Variants in ANO2 observed in about 807,000 individuals in gnomAD.
The protein encoded by ANO2 is anoctamin 2, also known as anoctamin-2.
Under a neutral mutation model 124.2 loss-of-function variants are expected in ANO2, and 101 were observed. The observed-to-expected ratio is 0.81, with a 90% CI of 0.69 to 0.96. The LOEUF (loss-of-function observed/expected upper bound fraction) is 0.96. Ranked by LOEUF, ANO2 falls within the 40% of genes least tolerant of loss-of-function variation. The pLI is 0.00. For synonymous variants in ANO2, 486 were observed against 482.5 expected, an observed-to-expected ratio of 1.01 and a Z score of -0.09; for missense variants, 1,293 against 1,274.5, an observed-to-expected ratio of 1.01 and a Z score of -0.22.
At chr12:5,927,344 G>A (rs1565787921) in intron 1 of ANO2, among the ~76,000 whole-genome samples, 1 of 152,222 alleles carries the variant, frequency 6.6e-6, no homozygotes, top group African/African-American at 2.4e-5. Context: ...TCGCAGGACT[G>A]CAGGTACCTT....
At position 5,563,557 on chromosome 12, in the gene ANO2, C is replaced by T. The variant is rs1445357951; in HGVS notation, c.2739G>A (p.Met913Ile). Residue 913 changes from methionine (M) to isoleucine (I), a missense_variant, in exon 25 of 25, where the codon ATG becomes ATA. Met to Ile is a conservative substitution (Grantham distance 10, BLOSUM62 1). Coordinates refer to ENST00000682330, the MANE Select transcript of ANO2 (RefSeq NM_001364791.2). The stretch of plus-strand genomic sequence containing the variant: ...TCCAGTCCACGAGGACGCTCAGGAA[C>T]ATCACGAGGTTCTGCAAAAAGCCAA... ...AFVIIFQNLVMFLSVLVDWMI... is the reference protein window; with the variant it reads ...AFVIIFQNLVIFLSVLVDWMI... 1 of 1,613,834 alleles carries T rather than the reference C, an allele frequency of 6.2e-7. No individual in the cohort carries two copies. The highest frequency in any genetic ancestry group is 8.5e-7 in the Non-Finnish European group (1 of 1,179,870).
At position 5,640,462 on chromosome 12, in the gene ANO2, T is replaced by C. The variant is rs566580092; in HGVS notation, c.1621-5115A>G. On this transcript the variant is annotated intron_variant, in intron 15 of 24. Transcript: ENST00000682330. ...AGGCAACCTACAGAATGGGAGGAAA[T>C]TTTTGCAATCTGCCCATCTGACAAA... Among the ~76,000 whole-genome samples the C allele has an allele frequency of 9.2e-5, 14 of 152,220 alleles. No individual in the cohort carries two copies. In the South Asian group the frequency reaches 2.9e-3, roughly 32 times the overall value.
At chr12:5,748,864 A>C (rs1057213243) in intron 11 of ANO2, among the ~76,000 whole-genome samples, 522 of 47,496 alleles carry the variant, frequency 0.011, no homozygotes, top group South Asian at 0.016. Context: ...TTTTCCCTTC[A>C]CCCTCCAAAA....
chr12:5,834,105 A>G (rs140566980), intron 4 of ANO2, among the ~76,000 whole-genome samples: 2 of 152,244 alleles, frequency 1.3e-5, no homozygotes, highest in African/African-American at 4.8e-5. Flanking sequence ...GCTGGCTACC[A>G]CCAAGTGACC....
intron 14 of ANO2, among the ~76,000 whole-genome samples, chr12:5,651,221 G>C (rs943122606): frequency 3.3e-5 from 5 of 152,208 alleles, no homozygotes; most frequent in African/African-American, 1.2e-4. Context: ...GTCCCTTGAT[G>C]ATGGCTCCCA....
At chr12:5,829,357 A>G (rs184466270) in intron 6 of ANO2, among the ~76,000 whole-genome samples, 5 of 151,426 alleles carry the variant, frequency 3.3e-5, no homozygotes, top group East Asian at 1.9e-4. Flanking sequence ...TTTCCATTGG[A>G]AAAAAAAAGA....
intron 14 of ANO2, among the ~76,000 whole-genome samples, chr12:5,725,345 G>T (rs911464567): frequency 1.3e-5 from 2 of 152,038 alleles, no homozygotes; most frequent in African/African-American, 4.8e-5. Context: ...TCTCTTCCCC[G>T]ATAGCCTCTC....
intron 1 of ANO2, among the ~76,000 whole-genome samples, chr12:5,939,804 A>T (rs1174104352): frequency 6.6e-6 from 1 of 152,178 alleles, no homozygotes; most frequent in African/African-American, 2.4e-5. Context: ...GTCATAACTA[A>T]CTGTAAGGGA....
At chr12:5,666,097 C>T (rs1378951288) in intron 14 of ANO2, among the ~76,000 whole-genome samples, 2 of 152,236 alleles carry the variant, frequency 1.3e-5, no homozygotes, top group Non-Finnish European at 2.9e-5. Flanking sequence ...GAATCCTGGA[C>T]ATGCCAGGTC....
intron 14 of ANO2, among the ~76,000 whole-genome samples, chr12:5,691,143 C>T (rs571832629): frequency 8.6e-5 from 13 of 152,012 alleles, no homozygotes; most frequent in East Asian, 1.9e-4. Context: ...GCCTGACCAA[C>T]GTGGTGAAAC....
At chr12:5,737,526 G>C (rs955547755) in intron 13 of ANO2, among the ~76,000 whole-genome samples, 1 of 152,206 alleles carries the variant, frequency 6.6e-6, no homozygotes, top group African/African-American at 2.4e-5. Flanking sequence ...AGACGTGAGG[G>C]CTTCCTCAAC....
intron 3 of ANO2, among the ~76,000 whole-genome samples, chr12:5,914,052 T>A (rs1941220820): frequency 3.9e-5 from 6 of 151,920 alleles, no homozygotes; most frequent in Admixed American, 3.9e-4. Flanking sequence ...ATACAAAAAT[T>A]AGCTGGGCAT....
intron 14 of ANO2, among the ~76,000 whole-genome samples, chr12:5,721,499 GTT>G (rs531965246): frequency 7.5e-6 from 1 of 133,512 alleles, no homozygotes. Flanking sequence ...TTGGTTTTGG[GTT>G]TTTTTTTTTT....
intron 10 of ANO2, among the ~76,000 whole-genome samples, chr12:5,770,365 G>A (rs1370766135): frequency 6.6e-6 from 1 of 152,030 alleles, no homozygotes; most frequent in African/African-American, 2.4e-5. Flanking sequence ...GGCTAACAAG[G>A]GTCCCAAGGT....
intron 3 of ANO2, among the ~76,000 whole-genome samples, chr12:5,890,933 A>G (rs1489558596): frequency 6.6e-6 from 1 of 152,194 alleles, no homozygotes; most frequent in Non-Finnish European, 1.5e-5. Flanking sequence ...TACAAGTCAC[A>G]GCTCATATAG....
In ANO2 at chr12:5,923,255, CAT is replaced by C. The variant is rs796649623; in HGVS notation, c.23-453_23-452del. ...ACACATACACACACGCATACACACA[CAT>C]ACACACACACACACACACACACGCA... On this transcript the variant is annotated intron_variant, in intron 1 of 24. Transcript: ENST00000682330. 2.3e-3 allele frequency among the ~76,000 whole-genome samples: 167 copies of C among 72,934 alleles called. 3 individuals carry two copies. The highest frequency in any genetic ancestry group is 5.6e-3 in the Middle Eastern group (1 of 178). The allele number at this position is 72,934 out of a possible 152,430, so 47.8% of individuals were successfully genotyped here.
rs533444583 is a variant in ANO2 at position 5,670,620 on chromosome 12, G to A, written c.1546-22819C>T. 6.6e-5 allele frequency among the ~76,000 whole-genome samples: 10 copies of A among 152,268 alleles called. No homozygotes were observed. The East Asian group carries it at 1.9e-3, about 29-fold the overall frequency. On this transcript the variant is annotated intron_variant, in intron 14 of 24. Transcript: ENST00000682330. ...CACAATCATAGCTCACTGCAGCCTT[G>A]AACTTTTGGAGCCAGTTAATCCTCC...
chr12:5,935,035 G>C (rs185405590), intron 1 of ANO2, among the ~76,000 whole-genome samples: 1 of 152,140 alleles, frequency 6.6e-6, no homozygotes, highest in African/African-American at 2.4e-5. Context: ...AGACATGAGG[G>C]ATAGGAACAA....
intron 4 of ANO2, among the ~76,000 whole-genome samples, chr12:5,848,357 T>A (rs761629779): frequency 1.4e-5 from 2 of 145,358 alleles, no homozygotes; most frequent in African/African-American, 2.5e-5. Flanking sequence ...ACTTCCCTAC[T>A]TCCCCCCCTC....
Sources: allele counts gnomAD v4.1 joint callset (sites outside exome capture counted in the v4.1 genomes callset), GRCh38; gene constraint gnomAD v4.1.1; transcripts MANE v1.5; gene names NCBI Gene and HGNC (gene_info 2026-07-23, HGNC 2026-07-21).